Variants in PLEKHH1 observed in about 807,000 individuals in gnomAD.
PLEKHH1 encodes the protein pleckstrin homology domain-containing family H member 1.
Under a neutral mutation model 160.0 loss-of-function variants are expected in PLEKHH1, and 104 were observed. That is an observed-to-expected ratio of 0.65 (90% CI 0.55 to 0.76). The LOEUF (loss-of-function observed/expected upper bound fraction) is 0.76. Among genes scored for constraint, PLEKHH1 ranks in the 30% least tolerant of loss-of-function variants. The pLI is 0.00. For synonymous variants in PLEKHH1, 619 were observed against 678.4 expected, an observed-to-expected ratio of 0.91 and a Z score of 1.36; for missense variants, 1,427 against 1,724.1, an observed-to-expected ratio of 0.83 and a Z score of 3.05.
Position 67,576,480 on chromosome 14 carries a change from T to C in PLEKHH1, c.2438T>C (p.Leu813Pro). 1.3e-6 allele frequency: 2 copies of C among 1,588,794 alleles called. No homozygotes were observed. The highest frequency in any genetic ancestry group is 1.7e-6 in the Non-Finnish European group (2 of 1,156,992). Residue 813 changes from leucine to proline, a missense_variant, in exon 17 of 29, where the codon CTG (leucine) becomes CCG (proline). By Grantham distance (98) the Leu-to-Pro change is moderately conservative (BLOSUM62 -3). This residue lies in a region of PLEKHH1 where 436 missense variants were observed against 607.5 expected (regional missense o/e 0.72). Transcript: ENST00000329153. The surrounding 1 kb of genome is among the most constrained non-coding windows in gnomAD (Gnocchi z 4.0). ...GCCTATGAGCAGCTCATTGGAAAAC[T>C]GATGGATGGTGAAGGAGATCCAGGT... ...GTAYEQLIGK[L>P]MDGEGDPDSP...
At chr14:67,536,153 C>A (rs575660893) in intron 1 of PLEKHH1, among the ~76,000 whole-genome samples, 1 of 151,984 alleles carries the variant, frequency 6.6e-6, no homozygotes, top group African/African-American at 2.4e-5. Flanking sequence ...GAGGTTCCTG[C>A]GGCCTAGGAC....
intron 28 of PLEKHH1, 178 bp from the exon 29 acceptor site, chr14:67,586,896 C>G: frequency 6.5e-7 from 1 of 1,530,008 alleles, no homozygotes; most frequent in Non-Finnish European, 8.8e-7. Context: ...GGAGCCCACA[C>G]CACTGGGCCT....
rs2140581399 is a variant in PLEKHH1 at position 67,587,369 on chromosome 14, C to A, written c.*134C>A. On this transcript the variant is annotated 3_prime_UTR_variant, in exon 29 of 29. Transcript: ENST00000329153. Reference sequence around the variant, plus strand: ...TGTTCTGTGAAATGTGTATTTTAGTCTCTGTGAAGCCTTTACTCTCTAGGT... The same window carrying A: ...TGTTCTGTGAAATGTGTATTTTAGTATCTGTGAAGCCTTTACTCTCTAGGT... The A allele has an allele frequency of 2.0e-6, 2 of 1,019,782 alleles. No homozygotes were observed. The highest frequency in any genetic ancestry group is 1.5e-6 in the Non-Finnish European group (1 of 657,466). The allele number at this position is 1,019,782 out of a possible 1,614,324, so 63.2% of individuals were successfully genotyped here. A position where few individuals can be genotyped will look rare whatever the true frequency, so the allele number is the denominator to read the frequency against.
chr14:67,573,824 A>C lies in PLEKHH1; in HGVS notation c.1863A>C (p.Gln621His). ...KSPSDVIRKP[Q>H]GQVDLNSRCQ... is the part of the protein sequence containing the mutation. Reference sequence around the variant, plus strand: ...AGAGTGATGTCATCCGGAAACCTCAAGGCCAAGTGGATCTGAACTCCCGCT... The same window carrying C: ...AGAGTGATGTCATCCGGAAACCTCACGGCCAAGTGGATCTGAACTCCCGCT... The change falls in exon 13 of 29, where the codon CAA (glutamine) becomes CAC (histidine). Residue 621 changes from glutamine (Q) to histidine (H), a missense_variant. By Grantham distance (24) the Gln-to-His change is conservative. Coordinates refer to ENST00000329153, the MANE Select transcript of PLEKHH1 (RefSeq NM_020715.3). This position sits in a 1 kb window ranked among gnomAD's most constrained non-coding sequence, Gnocchi z 4.8. 1.2e-6 allele frequency: 2 copies of C among 1,613,480 alleles called. No homozygotes were observed. The highest frequency in any genetic ancestry group is 1.7e-6 in the Non-Finnish European group (2 of 1,179,388).
intron 2 of PLEKHH1, among the ~76,000 whole-genome samples, chr14:67,552,665 G>C (rs1367359192): frequency 6.6e-6 from 1 of 152,014 alleles, no homozygotes; most frequent in East Asian, 1.9e-4. Flanking sequence ...TACTCGGGAG[G>C]CTAAGGCAGG....
chr14:67,537,816 C>T (rs903413545), intron 1 of PLEKHH1, among the ~76,000 whole-genome samples: 18 of 152,178 alleles, frequency 1.2e-4, no homozygotes, highest in African/African-American at 4.1e-4. Context: ...GCCACCTTCC[C>T]ACCCATCCTA....
At chr14:67,579,045 G>T in intron 20 of PLEKHH1, 89 bp from the exon 21 acceptor site, 1 of 851,232 alleles carries the variant, frequency 1.2e-6, no homozygotes, top group Non-Finnish European at 1.9e-6. Context: ...CTACAGTTTT[G>T]GTCCTGGCTG....
At chr14:67,559,747 ACCCCCGGAGTTTCCTG>A (rs1325852037) in intron 5 of PLEKHH1, 56 bp downstream of exon 5, 1 of 1,198,730 alleles carries the variant, frequency 8.3e-7, no homozygotes, top group Non-Finnish European at 1.2e-6. Context: ...GCCTGCCCTG[ACCCCCGGAGTTTCCTG>A]CCCCCTACTG....
chr14:67,537,202 A>T (rs1489503241), intron 1 of PLEKHH1, among the ~76,000 whole-genome samples: 2 of 141,364 alleles, frequency 1.4e-5, no homozygotes, highest in Non-Finnish European at 3.0e-5. Flanking sequence ...AAAATTAGCC[A>T]GTGTGGTGGC....
intron 1 of PLEKHH1, among the ~76,000 whole-genome samples, chr14:67,535,730 G>T (rs2033690107): frequency 6.6e-6 from 1 of 152,018 alleles, no homozygotes; most frequent in Non-Finnish European, 1.5e-5. Context: ...AGATGCTATT[G>T]GTTTGCCTTT....
rs761297247 is a variant in PLEKHH1 at position 67,550,634 on chromosome 14, A to T, written c.127-5191A>T. 9.7e-4 allele frequency among the ~76,000 whole-genome samples: 147 copies of T among 152,266 alleles called. 1 individual carries two copies. Among genetic ancestry groups the T allele is most frequent in the Non-Finnish European group, 4.6e-4 (31 of 68,042 alleles). ...AGGAAAACGTGAGGGGAAGGGCTAA[A>T]GCCACTTACTGCTATAGAAAATAGA... On this transcript the variant is annotated intron_variant, in intron 2 of 28. Transcript: ENST00000329153.
intron 2 of PLEKHH1, among the ~76,000 whole-genome samples, chr14:67,551,026 C>T (rs2034371772): frequency 6.6e-6 from 1 of 152,202 alleles, no homozygotes; most frequent in South Asian, 2.1e-4. Context: ...AAATATCCTA[C>T]ATGTATATAC....
intron 1 of PLEKHH1, among the ~76,000 whole-genome samples, chr14:67,536,412 C>T (rs911764680): frequency 1.3e-5 from 2 of 151,844 alleles, no homozygotes; most frequent in African/African-American, 4.9e-5. Context: ...GGTAGCCCCT[C>T]ACTAGCAAGT....
chr14:67,568,553 CT>C lies in PLEKHH1; in HGVS notation c.1264-584del, dbSNP rs1203899145. ...GTAGACCACCATGACACACGTTTACCTACATAAAAACCTGCACATCTTGCAT... is the reference window on the plus strand; with the variant it reads ...GTAGACCACCATGACACACGTTTACCACATAAAAACCTGCACATCTTGCAT... On this transcript the variant is annotated intron_variant, in intron 7 of 28. Transcript: ENST00000329153. Among the ~76,000 whole-genome samples the C allele has an allele frequency of 4.6e-5, 7 of 152,010 alleles. No homozygotes were observed. The East Asian group carries it at 1.4e-3, about 29-fold the overall frequency.
Position 67,575,564 on chromosome 14 carries a change from C to T in PLEKHH1, c.2169+92C>T, listed in dbSNP as rs578108370. On this transcript the variant is annotated intron_variant, in intron 15 of 28. Transcript: ENST00000329153. Reference sequence around the variant, plus strand: ...TGTCCTGATGAAAGTCCCTACCCCACGTAACCCCACAATAAATACAAAATC... The same window carrying T: ...TGTCCTGATGAAAGTCCCTACCCCATGTAACCCCACAATAAATACAAAATC... The T allele has an allele frequency of 2.4e-5, 20 of 825,744 alleles. No individual in the cohort carries two copies. The East Asian group carries it at 2.9e-4, about 12-fold the overall frequency. 51.2% of individuals were successfully genotyped at this position (825,744 alleles called of 1,614,324 possible). A position where few individuals can be genotyped will look rare whatever the true frequency, so the allele number is the denominator to read the frequency against.
chr14:67,546,383 G>GTTTTTTTTT (rs1191642189), intron 2 of PLEKHH1, among the ~76,000 whole-genome samples: 1 of 151,888 alleles, frequency 6.6e-6, no homozygotes, highest in East Asian at 1.9e-4. Flanking sequence ...AGATACATGT[G>GTTTTTTTTT]TTTTTTGTTT....
chr14:67,572,656 A>G (rs1229400824), intron 11 of PLEKHH1, among the ~76,000 whole-genome samples: 1 of 152,082 alleles, frequency 6.6e-6, no homozygotes, highest in East Asian at 1.9e-4. Flanking sequence ...GCATTGTCTC[A>G]TTTGTCCTCA....
In PLEKHH1 at chr14:67,557,306, T is replaced by C. The variant is rs765755436; in HGVS notation, c.227T>C (p.Leu76Pro). 1.9e-6 allele frequency: 3 copies of C among 1,613,768 alleles called. No individual in the cohort carries two copies. The highest frequency in any genetic ancestry group is 1.6e-4 in the Middle Eastern group (1 of 6,062). Residue 76 changes from leucine to proline, a missense_variant, in exon 4 of 29, where the codon CTG (leucine) becomes CCG (proline). Coordinates refer to ENST00000329153, the MANE Select transcript of PLEKHH1 (RefSeq NM_020715.3). ...VMEEKVKLSN[L>P]KNVDSEGSLH... ...GAAGAGAAGGTAAAACTATCCAATC[T>C]GAAGAATGTGGACTCTGAGGGGAGC...
intron 28 of PLEKHH1, chr14:67,586,370 C>T: frequency 2.9e-6 from 4 of 1,396,582 alleles, no homozygotes; most frequent in Non-Finnish European, 3.8e-6. Flanking sequence ...CTCTCAAGCC[C>T]CAGCATCATG....
Sources: gnomAD v4.1 joint callset for allele counts (sites outside exome capture counted in the v4.1 genomes callset) on GRCh38, gnomAD v4.1.1 for gene constraint, gnomAD v4.1.1 regional missense constraint, Gnocchi (gnomAD v3.1) non-coding constraint, MANE v1.5 for transcripts, NCBI Gene and HGNC (gene_info 2026-07-23, HGNC 2026-07-21) for gene names.